TBC1D5: variants seen among roughly 807,000 people sequenced by gnomAD.
TBC1D5 encodes the protein TBC1 domain family member 5.
TBC1D5 carries 75 observed loss-of-function variants against 100.3 expected under a neutral mutation model. The observed-to-expected ratio is 0.75, with a 90% CI of 0.62 to 0.91. TBC1D5 has a LOEUF of 0.91. Among genes scored for constraint, TBC1D5 ranks in the 40% least tolerant of loss-of-function variants. TBC1D5 has a pLI of 0.00. For synonymous variants in TBC1D5, 323 were observed against 325.6 expected (o/e 0.99, Z 0.09); for missense variants, 910 against 942.4 (o/e 0.97, Z 0.45).
chr3:17,258,594 A>T lies in TBC1D5; in HGVS notation c.1246-3T>A. 3 of 1,517,252 alleles carry T rather than the reference A, an allele frequency of 2.0e-6. No individual in the cohort carries two copies. Among genetic ancestry groups the T allele is most frequent in the Non-Finnish European group, 2.7e-6 (3 of 1,109,586 alleles). 94.0% of individuals were successfully genotyped at this position (1,517,252 alleles called of 1,614,324 possible). A position where few individuals can be genotyped will look rare whatever the true frequency, so the allele number is the denominator to read the frequency against. Reference sequence around the variant, plus strand: ...TAAGTCACTGGTCTTGGATTTCTCTAAAAAAAAATACATTTTTAAAAAGCT... The same window carrying T: ...TAAGTCACTGGTCTTGGATTTCTCTTAAAAAAAATACATTTTTAAAAAGCT... On this transcript the variant is annotated splice_region_variant and splice_polypyrimidine_tract_variant and intron_variant, in intron 15 of 21. Transcript: ENST00000253692.
chr3:17,474,692 A>T (rs1347858364), intron 3 of TBC1D5, among the ~76,000 whole-genome samples: 1 of 152,152 alleles, frequency 6.6e-6, no homozygotes, highest in African/African-American at 2.4e-5. Flanking sequence ...TTAATGCATC[A>T]TTGACATCGA....
At chr3:17,678,105 G>A (rs756157312) in intron 1 of TBC1D5, among the ~76,000 whole-genome samples, 51 of 152,202 alleles carry the variant, frequency 3.4e-4, no homozygotes, top group South Asian at 1.0e-3. Flanking sequence ...AAACCTGCAC[G>A]TTGTGCACAT....
chr3:17,412,733 C>T (rs2093963961), intron 4 of TBC1D5, among the ~76,000 whole-genome samples: 1 of 151,650 alleles, frequency 6.6e-6, no homozygotes, highest in Non-Finnish European at 1.5e-5. Context: ...TATTTTTAAC[C>T]CCTCTTTATG....
At chr3:17,650,116 G>C (rs975970974) in intron 1 of TBC1D5, among the ~76,000 whole-genome samples, 2 of 151,922 alleles carry the variant, frequency 1.3e-5, no homozygotes, top group Non-Finnish European at 2.9e-5. Context: ...ACACAGGGAG[G>C]GAACATCACA....
At chr3:17,312,323 G>T (rs1348884709) in intron 13 of TBC1D5, among the ~76,000 whole-genome samples, 2 of 152,064 alleles carry the variant, frequency 1.3e-5, no homozygotes, top group Non-Finnish European at 2.9e-5. Flanking sequence ...ATACATTACT[G>T]AAGGATGCTT....
At chr3:17,460,378 C>A (rs948764324) in intron 3 of TBC1D5, among the ~76,000 whole-genome samples, 4 of 152,148 alleles carry the variant, frequency 2.6e-5, no homozygotes, top group Non-Finnish European at 5.9e-5. Context: ...ATGATGAGAA[C>A]GTTATGGCTT....
At chr3:17,670,645 T>A (rs995116557) in intron 1 of TBC1D5, among the ~76,000 whole-genome samples, 1 of 152,214 alleles carries the variant, frequency 6.6e-6, no homozygotes, top group Non-Finnish European at 1.5e-5. Context: ...ATACTAATCA[T>A]CTCAGTTGAT....
chr3:17,564,413 A>G (rs1344415639), intron 2 of TBC1D5, among the ~76,000 whole-genome samples: 1 of 152,192 alleles, frequency 6.6e-6, no homozygotes, highest in East Asian at 1.9e-4. Context: ...TTGGAGGCAA[A>G]AATATAAATA....
At position 17,437,138 on chromosome 3, in the gene TBC1D5, T is replaced by C. The variant is rs1223527240; in HGVS notation, c.98-8619A>G. Among the ~76,000 whole-genome samples, 4 of 152,330 alleles carry C rather than the reference T, an allele frequency of 2.6e-5. No homozygotes were observed. In the East Asian group the frequency reaches 5.8e-4, roughly 22 times the overall value. ...CTCTCACATGTGCTCTCTTGCCCTCTTGCCCTTCTGCTTTCCATCATGGGA... is the reference window on the plus strand; with the variant it reads ...CTCTCACATGTGCTCTCTTGCCCTCCTGCCCTTCTGCTTTCCATCATGGGA... On this transcript the variant is annotated intron_variant, in intron 3 of 21. Coordinates refer to ENST00000253692, the Ensembl canonical transcript of TBC1D5.
chr3:17,336,564 A>G (rs1211011099), intron 13 of TBC1D5, among the ~76,000 whole-genome samples: 1 of 152,082 alleles, frequency 6.6e-6, no homozygotes, highest in Non-Finnish European at 1.5e-5. Flanking sequence ...CCATCATAAG[A>G]AAGAAAGAGA....
chr3:17,521,214 C>T (rs941162294), intron 2 of TBC1D5, among the ~76,000 whole-genome samples: 1 of 152,134 alleles, frequency 6.6e-6, no homozygotes, highest in African/African-American at 2.4e-5. Flanking sequence ...ACAGCTGACC[C>T]TTGAACAACA....
intron 2 of TBC1D5, among the ~76,000 whole-genome samples, chr3:17,577,292 A>T (rs75073700): frequency 0.034 from 5,233 of 152,134 alleles, 123 homozygotes; most frequent in Non-Finnish European, 0.049. Flanking sequence ...ATGCAAAAGC[A>T]AACTACTATC....
intron 15 of TBC1D5, among the ~76,000 whole-genome samples, chr3:17,278,467 AAC>A (rs2080248954): frequency 6.6e-6 from 1 of 152,248 alleles, no homozygotes; most frequent in African/African-American, 2.4e-5. Flanking sequence ...ATATATGCAC[AAC>A]AGAGTATTTA....
intron 14 of TBC1D5, among the ~76,000 whole-genome samples, chr3:17,306,009 A>G (rs2083356548): frequency 6.6e-6 from 1 of 152,184 alleles, no homozygotes; most frequent in Non-Finnish European, 1.5e-5. Flanking sequence ...TTCTTTCTTT[A>G]GTCTCATAAC....
chr3:17,592,228 G>A (rs775810370), intron 2 of TBC1D5, among the ~76,000 whole-genome samples: 3 of 152,110 alleles, frequency 2.0e-5, no homozygotes, highest in Non-Finnish European at 4.4e-5. Context: ...AATCTTATTC[G>A]GAGAGATTTC....
intron 1 of TBC1D5, among the ~76,000 whole-genome samples, chr3:17,738,041 T>C (rs551269469): frequency 1.2e-4 from 18 of 152,338 alleles, no homozygotes; most frequent in Admixed American, 1.0e-3. Context: ...AACACTACCC[T>C]TGAAAGATTT....
chr3:17,280,445 A>AT (rs1420617953), intron 15 of TBC1D5, among the ~76,000 whole-genome samples: 1 of 152,130 alleles, frequency 6.6e-6, no homozygotes, highest in Admixed American at 6.5e-5. Flanking sequence ...CCCACTCCTC[A>AT]TCCCATGCCA....
At chr3:17,692,832 G>A (rs1210491984) in intron 1 of TBC1D5, among the ~76,000 whole-genome samples, 1 of 152,118 alleles carries the variant, frequency 6.6e-6, no homozygotes, top group East Asian at 1.9e-4. Flanking sequence ...ATTATAAAAG[G>A]ATATAAACGA....
chr3:17,596,453 G>A (rs1450977906), intron 2 of TBC1D5, among the ~76,000 whole-genome samples: 1 of 150,962 alleles, frequency 6.6e-6, no homozygotes, highest in Admixed American at 6.6e-5. Context: ...CAAGTAGCTG[G>A]GATTACAGAT....
Sources: allele counts gnomAD v4.1 joint callset (sites outside exome capture counted in the v4.1 genomes callset), GRCh38; gene constraint gnomAD v4.1.1; transcripts MANE v1.5; gene names NCBI Gene and HGNC (gene_info 2026-07-23, HGNC 2026-07-21).